SEC14L1: variants seen among roughly 807,000 people sequenced by gnomAD.
The protein encoded by SEC14L1 is SEC14-like protein 1.
Under a neutral mutation model 85.3 loss-of-function variants are expected in SEC14L1, and 48 were observed. The ratio of observed to expected loss-of-function variants is 0.56; its 90% CI spans 0.45 to 0.72. The LOEUF (loss-of-function observed/expected upper bound fraction) is 0.72. Ranked by LOEUF, SEC14L1 falls within the 30% of genes least tolerant of loss-of-function variation. The pLI, the probability that SEC14L1 is intolerant of heterozygous loss-of-function variation, is 0.00. For synonymous variants in SEC14L1, 391 were observed against 355.5 expected (o/e 1.10, Z -1.12); for missense variants, 682 against 921.4 (o/e 0.74, Z 3.36).
intron 3 of SEC14L1, among the ~76,000 whole-genome samples, chr17:77,104,323 C>T (rs1488973275): frequency 6.7e-6 from 1 of 149,536 alleles, no homozygotes; most frequent in African/African-American, 2.4e-5. Context: ...GGGATTTCAC[C>T]ATTTGGCCAG....
At chr17:77,098,158 C>T (rs944391284) in intron 3 of SEC14L1, among the ~76,000 whole-genome samples, 1 of 152,144 alleles carries the variant, frequency 6.6e-6, no homozygotes, top group Non-Finnish European at 1.5e-5. Flanking sequence ...CTACTCTTGC[C>T]TTTTAGGAAC....
chr17:77,157,554 G>A (rs1264004441), intron 3 of SEC14L1, among the ~76,000 whole-genome samples: 6 of 151,608 alleles, frequency 4.0e-5, no homozygotes, highest in African/African-American at 1.5e-4. Flanking sequence ...TTGAGATGGG[G>A]CCTCGCTGCG....
chr17:77,110,924 T>C (rs1340933397), intron 3 of SEC14L1, among the ~76,000 whole-genome samples: 1 of 147,798 alleles, frequency 6.8e-6, no homozygotes, highest in African/African-American at 2.5e-5. Flanking sequence ...CTGGGCACAG[T>C]GGCTCACTCC....
At chr17:77,188,044 G>A (rs1434352318) in intron 3 of SEC14L1, among the ~76,000 whole-genome samples, 1 of 152,100 alleles carries the variant, frequency 6.6e-6, no homozygotes, top group Non-Finnish European at 1.5e-5. Context: ...AACATCTTTA[G>A]TTTGGTAATC....
chr17:77,125,730 C>T (rs915830993), intron 3 of SEC14L1, among the ~76,000 whole-genome samples: 9 of 152,338 alleles, frequency 5.9e-5, no homozygotes, highest in South Asian at 2.1e-4. Context: ...GTGCTGGAGG[C>T]CCCTGGCCAT....
chr17:77,098,724 C>A (rs892793144), intron 3 of SEC14L1, among the ~76,000 whole-genome samples: 1 of 152,140 alleles, frequency 6.6e-6, no homozygotes, highest in African/African-American at 2.4e-5. Flanking sequence ...TGGATCTGTC[C>A]TCTCCTAGTG....
intron 3 of SEC14L1, among the ~76,000 whole-genome samples, chr17:77,099,835 C>T (rs1217883559): frequency 6.6e-6 from 1 of 152,006 alleles, no homozygotes; most frequent in East Asian, 1.9e-4. Context: ...TTCACCCCTT[C>T]GAAAGTTAAC....
At position 77,200,375 on chromosome 17, in the gene SEC14L1, G is replaced by A. The variant is rs909861220; in HGVS notation, c.820-109G>A. ...GTAGAGATGGCATTTCACCATATTG[G>A]CCAGGCTGGTCTTGAACTCCTGAGC... On this transcript the variant is annotated intron_variant, in intron 8 of 16. Transcript: ENST00000436233. 1.1e-5 allele frequency: 9 copies of A among 782,730 alleles called. No homozygotes were observed. The African/African-American group carries it at 1.6e-4, about 14-fold the overall frequency. 48.5% of individuals were successfully genotyped at this position (782,730 alleles called of 1,614,324 possible). A position where few individuals can be genotyped will look rare whatever the true frequency, so the allele number is the denominator to read the frequency against.
At chr17:77,204,216 A>G (rs886869632) in intron 10 of SEC14L1, among the ~76,000 whole-genome samples, 16 of 151,910 alleles carry the variant, frequency 1.1e-4, no homozygotes, top group African/African-American at 3.6e-4. Context: ...TTTTGGCTTT[A>G]TTTTTTATTA....
chr17:77,200,198 T>C (rs1337289204), intron 8 of SEC14L1, among the ~76,000 whole-genome samples: 2 of 152,222 alleles, frequency 1.3e-5, no homozygotes, highest in South Asian at 2.1e-4. Flanking sequence ...TAGGGTCTTA[T>C]TCCCTTAGCA....
Position 77,206,127 on chromosome 17 carries a change from G to T in SEC14L1, c.1170-102G>T. 8.9e-7 allele frequency: 1 copy of T among 1,124,744 alleles called. No homozygotes were observed. The highest frequency in any genetic ancestry group is 2.4e-5 in the Admixed American group (1 of 41,854). The allele number at this position is 1,124,744 out of a possible 1,614,324, so 69.7% of individuals were successfully genotyped here. A position where few individuals can be genotyped will look rare whatever the true frequency, so the allele number is the denominator to read the frequency against. On this transcript the variant is annotated intron_variant, in intron 11 of 16. Coordinates refer to ENST00000436233, the MANE Select transcript of SEC14L1 (RefSeq NM_001143998.2). This position sits in a 1 kb window ranked among gnomAD's most constrained non-coding sequence, Gnocchi z 4.3. ...ATAATTTAAAAAAATTGATTATGAT[G>T]TATTTGGAAATAGCTATAAATGACC...
intron 3 of SEC14L1, among the ~76,000 whole-genome samples, chr17:77,112,927 A>T (rs1222519180): frequency 6.6e-6 from 1 of 152,068 alleles, no homozygotes; most frequent in East Asian, 1.9e-4. Context: ...GCACTTTGGG[A>T]GGCCGAGGTG....
intron 2 of SEC14L1, among the ~76,000 whole-genome samples, 167 bp downstream of exon 2, chr17:77,142,917 A>G (rs897057809): frequency 2.6e-5 from 4 of 152,230 alleles, no homozygotes; most frequent in African/African-American, 9.7e-5. Flanking sequence ...TTAACCGATT[A>G]CTTACGGATA....
In SEC14L1 at chr17:77,180,082, T is replaced by A. The variant is rs191206965; in HGVS notation, c.64-10721T>A. Among the ~76,000 whole-genome samples the A allele has an allele frequency of 2.1e-5, 3 of 145,218 alleles. No homozygotes were observed. The South Asian group carries it at 6.8e-4, about 33-fold the overall frequency. On this transcript the variant is annotated intron_variant, in intron 3 of 16. Coordinates refer to ENST00000436233, the MANE Select transcript of SEC14L1 (RefSeq NM_001143998.2). Reference sequence around the variant, plus strand: ...TGTTATGTTATGTTATGTTATGTTATGTTATGTTATGTTATGTTACTTTAT... The same window carrying A: ...TGTTATGTTATGTTATGTTATGTTAAGTTATGTTATGTTATGTTACTTTAT...
At chr17:77,122,918 A>G (rs1040693212) in intron 3 of SEC14L1, among the ~76,000 whole-genome samples, 5 of 140,508 alleles carry the variant, frequency 3.6e-5, no homozygotes, top group African/African-American at 1.2e-4. Flanking sequence ...ATCACACAGC[A>G]TCCAGACAGA....
Position 77,215,747 on chromosome 17 carries a change from TTAGTAGGTAGGGC to T in SEC14L1, c.*1750_*1762del, listed in dbSNP as rs1309760061. On this transcript the variant is annotated 3_prime_UTR_variant, in exon 17 of 17. Coordinates refer to ENST00000436233, the MANE Select transcript of SEC14L1 (RefSeq NM_001143998.2). ...TCGTAGGTAGGGCTAGTAGGTAGGG[TTAGTAGGTAGGGC>T]TAGTAGGTAGGGCTAGTAGGTAGGG... 122 of 982,864 alleles carry T rather than the reference TTAGTAGGTAGGGC, an allele frequency of 1.2e-4. No homozygotes were observed. Among genetic ancestry groups the T allele is most frequent in the Admixed American group, 1.0e-3 (17 of 16,492 alleles). 60.9% of individuals were successfully genotyped at this position (982,864 alleles called of 1,614,324 possible).
At chr17:77,114,117 A>G (rs1281814360) in intron 3 of SEC14L1, among the ~76,000 whole-genome samples, 4 of 152,144 alleles carry the variant, frequency 2.6e-5, no homozygotes, top group Admixed American at 1.3e-4. Context: ...TCAGCCTGCA[A>G]TCCCCACCTG....
chr17:77,194,810 C>T lies in SEC14L1; in HGVS notation c.608C>T (p.Ser203Phe). Reference sequence around the variant, plus strand: ...TCATCCTCCAAGAAACAAGCAGCGTCCATGGCCGTCGTCATCCCAGAAGCT... The same window carrying T: ...TCATCCTCCAAGAAACAAGCAGCGTTCATGGCCGTCGTCATCCCAGAAGCT... The part of the protein sequence containing the change: ...SSSSSKKQAA[S>F]MAVVIPEAAL... Residue 203 changes from serine (S) to phenylalanine (F), a missense_variant, in exon 7 of 17, where the codon TCC (serine) becomes TTC (phenylalanine). This residue lies in a region of SEC14L1 where 123 missense variants were observed against 100.6 expected (regional missense o/e 1.22). Transcript: ENST00000436233. The T allele has an allele frequency of 3.7e-6, 6 of 1,614,232 alleles. No homozygotes were observed. Among genetic ancestry groups the T allele is most frequent in the Non-Finnish European group, 5.1e-6 (6 of 1,180,030 alleles).
At chr17:77,112,533 A>G (rs1413937139) in intron 3 of SEC14L1, among the ~76,000 whole-genome samples, 1 of 152,194 alleles carries the variant, frequency 6.6e-6, no homozygotes, top group Non-Finnish European at 1.5e-5. Flanking sequence ...ACCTCTCAGG[A>G]CAGCCCTGAG....
Sources: gnomAD v4.1 joint callset for allele counts (sites outside exome capture counted in the v4.1 genomes callset) on GRCh38, gnomAD v4.1.1 for gene constraint, gnomAD v4.1.1 regional missense constraint, Gnocchi (gnomAD v3.1) non-coding constraint, MANE v1.5 for transcripts, NCBI Gene and HGNC (gene_info 2026-07-23, HGNC 2026-07-21) for gene names.